Variants in SMYD2 observed in about 807,000 individuals in gnomAD.
SMYD2 encodes N-lysine methyltransferase SMYD2.
A neutral mutation model predicts 59.1 loss-of-function variants in SMYD2; 53 were observed. The ratio of observed to expected loss-of-function variants is 0.90; its 90% CI spans 0.72 to 1.13. The LOEUF is 1.13. Among genes scored for constraint, SMYD2 ranks in the 50% most tolerant of loss-of-function variants. SMYD2 has a pLI of 0.00. For missense variants in SMYD2, 494 were observed against 544.7 expected (o/e 0.91, Z 0.93); for synonymous variants, 208 against 198.8 (o/e 1.05, Z -0.39).
intron 2 of SMYD2, among the ~76,000 whole-genome samples, chr1:214,314,142 A>G (rs1461414499): frequency 1.3e-5 from 2 of 152,034 alleles, no homozygotes; most frequent in African/African-American, 4.8e-5. Context: ...GCGCCACTGC[A>G]CTGCAGCCTG....
chr1:214,315,721 C>A (rs1196535870), intron 3 of SMYD2, among the ~76,000 whole-genome samples: 1 of 152,124 alleles, frequency 6.6e-6, no homozygotes, highest in Admixed American at 6.5e-5. Flanking sequence ...GGCTTATATA[C>A]CATAGGGAAG....
intron 1 of SMYD2, among the ~76,000 whole-genome samples, chr1:214,288,464 C>T (rs953851627): frequency 6.6e-6 from 1 of 152,160 alleles, no homozygotes; most frequent in Admixed American, 6.6e-5. Flanking sequence ...CCTGTGCCCC[C>T]CTTTGGCCTG....
At chr1:214,311,231 A>AAT (rs1200967962) in intron 2 of SMYD2, among the ~76,000 whole-genome samples, 41 of 152,166 alleles carry the variant, frequency 2.7e-4, no homozygotes, top group Middle Eastern at 3.2e-3. Context: ...TGAATGAATG[A>AAT]GCAATTACCA....
In SMYD2 at chr1:214,330,181, A is replaced by G; in HGVS notation, c.719A>G (p.Tyr240Cys). ...TGGACCCCGTAGGTTTTTACCAGCT[A>G]TATTGATCTCCTGTACCCAACGGAA... Reference protein sequence around the residue: ...IKPGEEVFTSYIDLLYPTEDR... With the variant: ...IKPGEEVFTSCIDLLYPTEDR... Residue 240 changes from tyrosine (Y) to cysteine (C), a missense_variant, in exon 8 of 12, where the codon TAT becomes TGT. Physicochemically the swap from Tyr to Cys is radical, Grantham distance 194 (BLOSUM62 -2). Coordinates refer to ENST00000366957, the MANE Select transcript of SMYD2 (RefSeq NM_020197.3). 1.2e-6 allele frequency: 2 copies of G among 1,609,004 alleles called. No homozygotes were observed. The highest frequency in any genetic ancestry group is 1.7e-6 in the Non-Finnish European group (2 of 1,176,990).
In SMYD2 at chr1:214,320,948, A is replaced by G. The variant is rs534053961; in HGVS notation, c.534+1965A>G. ...GAATCAACTTCTCTTACATTTTCTG[A>G]AAAAATGAATACATAATTTTTTCTG... On this transcript the variant is annotated intron_variant, in intron 5 of 11. Coordinates refer to ENST00000366957, the MANE Select transcript of SMYD2 (RefSeq NM_020197.3). Among the ~76,000 whole-genome samples, 35 of 152,340 alleles carry G rather than the reference A, an allele frequency of 2.3e-4. No individual in the cohort carries two copies. In the Middle Eastern group the frequency reaches 0.014, roughly 59 times the overall value.
intron 1 of SMYD2, among the ~76,000 whole-genome samples, chr1:214,301,146 T>A (rs956514137): frequency 6.6e-6 from 1 of 152,200 alleles, no homozygotes; most frequent in Non-Finnish European, 1.5e-5. Context: ...GACAACTGGA[T>A]TTTCAAATAT....
intron 6 of SMYD2, among the ~76,000 whole-genome samples, chr1:214,325,400 A>G (rs1234269810): frequency 2.0e-5 from 3 of 152,266 alleles, no homozygotes; most frequent in African/African-American, 2.4e-5. Context: ...CTTCACAGAT[A>G]GAGCCAAGGA....
At chr1:214,309,849 T>A (rs527915012) in intron 2 of SMYD2, among the ~76,000 whole-genome samples, 45 of 152,320 alleles carry the variant, frequency 3.0e-4, no homozygotes, top group African/African-American at 1.0e-3. Context: ...AAAGCATATG[T>A]CCTAGTGATG....
In SMYD2 at chr1:214,318,279, T is replaced by G; in HGVS notation, c.409+140T>G. The G allele has an allele frequency of 2.6e-6, 2 of 767,894 alleles. No individual in the cohort carries two copies. Among genetic ancestry groups the G allele is most frequent in the South Asian group, 3.8e-5 (2 of 52,886 alleles). The allele number at this position is 767,894 out of a possible 1,614,324, so 47.6% of individuals were successfully genotyped here. ...GATTACTAGTTTTTATTTTTACTCT[T>G]GTGCTGTTTCGAAAAGCACTTTTAG... is the stretch of plus-strand genomic sequence containing the variant. On this transcript the variant is annotated intron_variant, in intron 4 of 11. Transcript: ENST00000366957. This position sits in a 1 kb window ranked among gnomAD's most constrained non-coding sequence, Gnocchi z 5.4.
intron 1 of SMYD2, among the ~76,000 whole-genome samples, chr1:214,302,468 GA>G (rs1656841748): frequency 1.3e-5 from 2 of 152,186 alleles, no homozygotes; most frequent in South Asian, 4.2e-4. Context: ...AAAACAGTGA[GA>G]AAAAAAGCAA....
chr1:214,322,326 A>G (rs1657185144), intron 5 of SMYD2, among the ~76,000 whole-genome samples: 1 of 152,126 alleles, frequency 6.6e-6, no homozygotes, highest in East Asian at 1.9e-4. Flanking sequence ...ATTTACTCTT[A>G]CCTAATGTTG....
At chr1:214,323,706 G>T (rs560464578) in intron 5 of SMYD2, among the ~76,000 whole-genome samples, 1 of 152,202 alleles carries the variant, frequency 6.6e-6, no homozygotes, top group South Asian at 2.1e-4. Flanking sequence ...CTCCCAAAGT[G>T]CTGGGATTAC....
chr1:214,318,384 G>C lies in SMYD2; in HGVS notation c.409+245G>C, dbSNP rs950969497. 6.6e-6 allele frequency among the ~76,000 whole-genome samples: 1 copy of C among 152,210 alleles called. No individual in the cohort carries two copies. The highest frequency in any genetic ancestry group is 2.1e-4 in the South Asian group (1 of 4,830). On this transcript the variant is annotated intron_variant, in intron 4 of 11. Coordinates refer to ENST00000366957, the MANE Select transcript of SMYD2 (RefSeq NM_020197.3). This position sits in a 1 kb window ranked among gnomAD's most constrained non-coding sequence, Gnocchi z 5.4. Reference sequence around the variant, plus strand: ...CTCCCAAAATGAATTATTGCACCCTGAGCTACCTCCTGCTGGCCCTCTTGG... The same window carrying C: ...CTCCCAAAATGAATTATTGCACCCTCAGCTACCTCCTGCTGGCCCTCTTGG...
At chr1:214,314,635 T>G in intron 2 of SMYD2, 127 bp from the exon 3 acceptor site, 1 of 660,834 alleles carries the variant, frequency 1.5e-6, no homozygotes, top group Non-Finnish European at 2.7e-6. Context: ...GTGAGCATCC[T>G]CGTGTTTTCC....
chr1:214,301,416 CT>C (rs1232925829), intron 1 of SMYD2, among the ~76,000 whole-genome samples: 3 of 152,110 alleles, frequency 2.0e-5, no homozygotes, highest in African/African-American at 7.2e-5. Context: ...CTTGGAATGA[CT>C]TTTTTGCTTT....
At chr1:214,287,344 T>C (rs1656564736) in intron 1 of SMYD2, among the ~76,000 whole-genome samples, 1 of 151,628 alleles carries the variant, frequency 6.6e-6, no homozygotes, top group South Asian at 2.1e-4. Flanking sequence ...CCCAGCAGTT[T>C]GGGAAGCCGA....
Position 214,336,724 on chromosome 1 carries a change from A to G in SMYD2, c.1242A>G (p.Val414=), listed in dbSNP as rs145607077. 2.5e-6 allele frequency: 4 copies of G among 1,613,812 alleles called. No homozygotes were observed. The African/African-American group carries it at 5.3e-5, about 22-fold the overall frequency. The change falls in exon 12 of 12, where the codon GTA becomes GTG. Residue 414 remains valine (V), a synonymous_variant. Transcript: ENST00000366957. ...CCTAGGCCATTGCAATCATGGAAGT[A>G]GCTCACGGCAAAGATCATCCATATA... ...ALKKAIAIME[V]AHGKDHPYIS... is the part of the protein sequence containing the mutation.
In SMYD2 at chr1:214,315,932, GC is replaced by G. The variant is rs1202107078; in HGVS notation, c.348+1062del. Among the ~76,000 whole-genome samples, 5 of 152,154 alleles carry G rather than the reference GC, an allele frequency of 3.3e-5. No individual in the cohort carries two copies. The East Asian group carries it at 9.6e-4, about 29-fold the overall frequency. On this transcript the variant is annotated intron_variant, in intron 3 of 11. Coordinates refer to ENST00000366957, the MANE Select transcript of SMYD2 (RefSeq NM_020197.3). ...CAGCATCCAAGATGAAATTGCTTTA[GC>G]CACCGTACTGACTGTTCTCCGCCTG...
chr1:214,334,113 T>A, intron 10 of SMYD2, 87 bp from the exon 11 acceptor site: 1 of 1,246,096 alleles, frequency 8.0e-7, no homozygotes, highest in Non-Finnish European at 1.2e-6. Flanking sequence ...GCCCTAAGCA[T>A]GGCAGCCTCC....
Sources: allele counts gnomAD v4.1 joint callset (sites outside exome capture counted in the v4.1 genomes callset), GRCh38; gene constraint gnomAD v4.1.1; non-coding constraint Gnocchi (gnomAD v3.1); transcripts MANE v1.5; gene names NCBI Gene and HGNC (gene_info 2026-07-23, HGNC 2026-07-21).